Variants in LRRC1 observed in about 807,000 individuals in gnomAD.
The protein encoded by LRRC1 is leucine rich repeat containing 1.
LRRC1 carries 28 observed loss-of-function variants against 69.9 expected under a neutral mutation model. The ratio of observed to expected loss-of-function variants is 0.40; its 90% CI spans 0.30 to 0.55. The LOEUF is 0.55. Ranked by LOEUF, LRRC1 falls within the 20% of genes least tolerant of loss-of-function variation. LRRC1 has a pLI of 0.47. For missense variants in LRRC1, 498 were observed against 609.0 expected (o/e 0.82, Z 1.92); for synonymous variants, 236 against 240.2 (o/e 0.98, Z 0.16).
intron 4 of LRRC1, among the ~76,000 whole-genome samples, chr6:53,886,169 T>C (rs1241512493): frequency 6.6e-6 from 1 of 152,178 alleles, no homozygotes; most frequent in Non-Finnish European, 1.5e-5. Flanking sequence ...CATAACATCA[T>C]CCATAGGTTC....
chr6:53,810,730 T>C (rs1764769144), intron 1 of LRRC1, among the ~76,000 whole-genome samples: 1 of 152,186 alleles, frequency 6.6e-6, no homozygotes, highest in Non-Finnish European at 1.5e-5. Flanking sequence ...ATAATAAAAA[T>C]TAAAGTGATC....
At chr6:53,829,833 G>C in intron 1 of LRRC1, among the ~76,000 whole-genome samples, 1 of 152,114 alleles carries the variant, frequency 6.6e-6, no homozygotes, top group Non-Finnish European at 1.5e-5. Context: ...TCCTGGTGCA[G>C]GAATGCTGTT....
chr6:53,813,460 C>G (rs1403685555), intron 1 of LRRC1, among the ~76,000 whole-genome samples: 2 of 151,668 alleles, frequency 1.3e-5, no homozygotes. Flanking sequence ...GTGCATGCCC[C>G]CTCTACAGAG....
At chr6:53,883,209 A>T (rs78843642) in intron 4 of LRRC1, among the ~76,000 whole-genome samples, 1,713 of 152,314 alleles carry the variant, frequency 0.011, 24 homozygotes, top group Non-Finnish European at 0.016. Flanking sequence ...TAAAAACCCT[A>T]AATTGTTTGG....
rs746671400 is a variant in LRRC1, at chr6:53,920,779, CT to C, written c.1416+21del. On this transcript the variant is annotated intron_variant, in intron 13 of 13. Transcript: ENST00000370888. The stretch of plus-strand genomic sequence containing the variant: ...ATGAGACGGTATGGAAATGCAGATT[CT>C]TTGCCTCTGTGGAAGTTCAAAATTA... 6.6e-5 allele frequency: 106 copies of C among 1,613,846 alleles called. No homozygotes were observed. The highest frequency in any genetic ancestry group is 8.9e-5 in the Non-Finnish European group (105 of 1,179,886).
chr6:53,870,453 T>C (rs1766844594), intron 2 of LRRC1, among the ~76,000 whole-genome samples: 1 of 152,202 alleles, frequency 6.6e-6, no homozygotes, highest in African/African-American at 2.4e-5. Flanking sequence ...ACACCTCTTT[T>C]CAAATTTTTC....
At chr6:53,887,995 A>G (rs771877130) in intron 4 of LRRC1, among the ~76,000 whole-genome samples, 5 of 152,216 alleles carry the variant, frequency 3.3e-5, no homozygotes, top group African/African-American at 1.2e-4. Context: ...TTACTTTACT[A>G]TCACTAAAAA....
At chr6:53,884,436 G>T (rs1767404513) in intron 4 of LRRC1, among the ~76,000 whole-genome samples, 1 of 152,166 alleles carries the variant, frequency 6.6e-6, no homozygotes, top group African/African-American at 2.4e-5. Context: ...GAGCCCAGAA[G>T]GTTGAGGCTG....
At chr6:53,816,300 G>A (rs1764948988) in intron 1 of LRRC1, among the ~76,000 whole-genome samples, 1 of 151,954 alleles carries the variant, frequency 6.6e-6, no homozygotes, top group African/African-American at 2.4e-5. Context: ...ATTATATTCA[G>A]GATAATTTAG....
At chr6:53,914,666 C>T (rs904350747) in intron 11 of LRRC1, among the ~76,000 whole-genome samples, 1 of 152,150 alleles carries the variant, frequency 6.6e-6, no homozygotes, top group Non-Finnish European at 1.5e-5. Flanking sequence ...AATTTCAGCA[C>T]CCTAAATGTC....
chr6:53,856,781 G>A (rs934987544), intron 2 of LRRC1, among the ~76,000 whole-genome samples: 2 of 152,162 alleles, frequency 1.3e-5, no homozygotes, highest in East Asian at 1.9e-4. Context: ...TATCACCCTG[G>A]CCCTAGCAGG....
intron 2 of LRRC1, among the ~76,000 whole-genome samples, chr6:53,873,534 C>T (rs1021640539): frequency 1.3e-5 from 2 of 150,812 alleles, no homozygotes; most frequent in Middle Eastern, 3.4e-3. Flanking sequence ...CTCCTGACCC[C>T]GTGATCTGCC....
chr6:53,796,794 C>T (rs1250688070), intron 1 of LRRC1, among the ~76,000 whole-genome samples: 1 of 152,112 alleles, frequency 6.6e-6, no homozygotes, highest in Non-Finnish European at 1.5e-5. Flanking sequence ...TTCCCTCAGG[C>T]GTTTATTATT....
At chr6:53,818,206 TG>T (rs763069294) in intron 1 of LRRC1, among the ~76,000 whole-genome samples, 2 of 152,190 alleles carry the variant, frequency 1.3e-5, no homozygotes, top group Non-Finnish European at 1.5e-5. Flanking sequence ...AATCTACCTT[TG>T]GGTTATAGGG....
chr6:53,822,835 C>A (rs905969186), intron 1 of LRRC1, among the ~76,000 whole-genome samples: 3 of 152,134 alleles, frequency 2.0e-5, no homozygotes, highest in African/African-American at 2.4e-5. Context: ...AGACATTTAA[C>A]CCCAATGTAT....
At chr6:53,855,113 C>T (rs959586043) in intron 2 of LRRC1, among the ~76,000 whole-genome samples, 6 of 152,128 alleles carry the variant, frequency 3.9e-5, no homozygotes, top group African/African-American at 1.4e-4. Context: ...GTACCCAGGG[C>T]CATGTAGGTA....
intron 13 of LRRC1, among the ~76,000 whole-genome samples, chr6:53,921,772 T>G (rs1768750162): frequency 6.6e-6 from 1 of 152,188 alleles, no homozygotes; most frequent in Non-Finnish European, 1.5e-5. Context: ...TCTTTGTTAT[T>G]CCAGCTGTCA....
chr6:53,879,158 TTGG>T, intron 3 of LRRC1, 87 bp downstream of exon 3: 1 of 839,398 alleles, frequency 1.2e-6, no homozygotes, highest in Non-Finnish European at 2.0e-6. Context: ...GTTAACCATC[TTGG>T]AGGTACCTAG....
At chr6:53,850,190 A>G (rs991482948) in intron 2 of LRRC1, among the ~76,000 whole-genome samples, 5 of 152,126 alleles carry the variant, frequency 3.3e-5, no homozygotes, top group Non-Finnish European at 7.4e-5. Flanking sequence ...AAATATAATA[A>G]CTTATATTGT....
Sources: gnomAD v4.1 joint callset for allele counts (sites outside exome capture counted in the v4.1 genomes callset) on GRCh38, gnomAD v4.1.1 for gene constraint, MANE v1.5 for transcripts, NCBI Gene and HGNC (gene_info 2026-07-23, HGNC 2026-07-21) for gene names.